CTBP2: variants seen among roughly 807,000 people sequenced by gnomAD.
The protein encoded by CTBP2 is C-terminal binding protein 2.
A neutral mutation model predicts 80.3 loss-of-function variants in CTBP2; 30 were observed. That is an observed-to-expected ratio of 0.37 (90% CI 0.28 to 0.51). The LOEUF (loss-of-function observed/expected upper bound fraction) is 0.51, where lower values mean the gene tolerates loss of function less well. CTBP2 is among the 20% of genes least tolerant of loss of function. The pLI is 0.93. For synonymous variants in CTBP2, 594 were observed against 587.4 expected (o/e 1.01, Z -0.16); for missense variants, 1,212 against 1,375.3 (o/e 0.88, Z 1.88).
chr10:125,159,306 G>A (rs1861512544), intron 1 of CTBP2, among the ~76,000 whole-genome samples: 3 of 149,530 alleles, frequency 2.0e-5, no homozygotes. Flanking sequence ...CGGCCCGGGC[G>A]GGGAAGGTGG....
intron 1 of CTBP2, chr10:125,005,439 A>C: frequency 9.1e-7 from 1 of 1,101,938 alleles, no homozygotes; most frequent in Non-Finnish European, 1.3e-6. Flanking sequence ...GTCCCCAAAC[A>C]GGGTGTCCGC....
chr10:125,036,920 A>T (rs376555754), intron 3 of CTBP2, among the ~76,000 whole-genome samples: 29 of 152,296 alleles, frequency 1.9e-4, no homozygotes, highest in South Asian at 1.9e-3. Context: ...GGACTAAGTC[A>T]GCTTATACAT....
rs766173566 is a variant in CTBP2 at position 125,122,565 on chromosome 10, A to G, written c.-205-11472T>C. ...CTGAGAGCATGAGCGCCAAGAAAGA[A>G]AACCGAGACTCAAAAGCCCAAGGGC... On this transcript the variant is annotated intron_variant, in intron 1 of 10. Transcript: ENST00000337195. The G allele has an allele frequency of 2.6e-5, 4 of 152,274 alleles. No homozygotes were observed. In the East Asian group the frequency reaches 7.7e-4, roughly 29 times the overall value. 9.4% of individuals were successfully genotyped at this position (152,274 alleles called of 1,614,324 possible).
At chr10:125,074,401 C>A (rs1289603524) in intron 2 of CTBP2, among the ~76,000 whole-genome samples, 1 of 152,220 alleles carries the variant, frequency 6.6e-6, no homozygotes, top group Non-Finnish European at 1.5e-5. Context: ...TTCACCCAGG[C>A]TGGAGTGCAG....
intron 2 of CTBP2, among the ~76,000 whole-genome samples, chr10:125,064,623 T>C (rs569354377): frequency 3.3e-5 from 5 of 152,380 alleles, no homozygotes; most frequent in South Asian, 4.1e-4. Context: ...GAATCTGTTT[T>C]AGAATCATGT....
intron 1 of CTBP2, among the ~76,000 whole-genome samples, chr10:125,146,282 ATTT>A (rs34558482): frequency 2.9e-5 from 4 of 136,448 alleles, no homozygotes; most frequent in African/African-American, 5.6e-5. Context: ...CCTAAGTGAG[ATTT>A]TTTTTTTTTT....
intron 8 of CTBP2, among the ~76,000 whole-genome samples, chr10:124,990,921 C>G (rs763953829): frequency 6.6e-6 from 1 of 152,208 alleles, no homozygotes; most frequent in African/African-American, 2.4e-5. Context: ...TCCAGAACTG[C>G]GAGCAAGGCA....
chr10:125,013,724 G>A (rs1956174506), intron 1 of CTBP2, among the ~76,000 whole-genome samples: 1 of 152,192 alleles, frequency 6.6e-6, no homozygotes, highest in Non-Finnish European at 1.5e-5. Flanking sequence ...CAGCAAGTAA[G>A]TGATGGAGTC....
Position 124,994,624 on chromosome 10 carries a change from A to G in CTBP2, c.2245T>C (p.Tyr749His). 3.1e-6 allele frequency: 5 copies of G among 1,614,166 alleles called. No homozygotes were observed. The highest frequency in any genetic ancestry group is 4.2e-6 in the Non-Finnish European group (5 of 1,179,998). Residue 749 changes from tyrosine to histidine, a missense_variant, in exon 5 of 9, where the codon TAT (tyrosine) becomes CAT (histidine). By Grantham distance (83) the Tyr-to-His change is moderately conservative (BLOSUM62 2). Coordinates refer to ENST00000309035, the MANE Select transcript of CTBP2 (RefSeq NM_022802.3). ...ATCCCATCCTGCAAGTAGGGGTCAT[A>G]AAATATGACGCTGAATCCAAAGGCC...
intron 1 of CTBP2, chr10:125,005,429 G>C: frequency 2.0e-6 from 2 of 995,848 alleles, no homozygotes; most frequent in African/African-American, 1.6e-5. Flanking sequence ...CGACACCCAG[G>C]TCCCCAAACA....
At chr10:125,002,765 C>T (rs1171557874) in intron 3 of CTBP2, among the ~76,000 whole-genome samples, 195 bp downstream of exon 5, 1 of 152,328 alleles carries the variant, frequency 6.6e-6, no homozygotes, top group East Asian at 1.9e-4. Flanking sequence ...CAAGGGCCAG[C>T]AGGGACTATC....
At chr10:124,991,561 T>C (rs1952620033) in intron 8 of CTBP2, among the ~76,000 whole-genome samples, 1 of 152,156 alleles carries the variant, frequency 6.6e-6, no homozygotes, top group Non-Finnish European at 1.5e-5. Context: ...GAGCCTTCAT[T>C]ACACAAACTG....
intron 1 of CTBP2, among the ~76,000 whole-genome samples, chr10:125,008,819 C>T (rs548911771): frequency 6.6e-6 from 1 of 152,336 alleles, no homozygotes; most frequent in South Asian, 2.1e-4. Flanking sequence ...AATCAATGTA[C>T]GTTATGTTCT....
chr10:125,115,991 C>T (rs1308811976), intron 1 of CTBP2, among the ~76,000 whole-genome samples: 1 of 152,170 alleles, frequency 6.6e-6, no homozygotes, highest in African/African-American at 2.4e-5. Context: ...GGACTAGATG[C>T]AACATCAACT....
intron 2 of CTBP2, among the ~76,000 whole-genome samples, chr10:125,108,349 C>T (rs943691925): frequency 2.6e-5 from 4 of 152,186 alleles, no homozygotes; most frequent in Admixed American, 6.5e-5. Flanking sequence ...AGGGCAAAAA[C>T]GATGTATAAA....
chr10:125,035,572 T>A (rs1262039797), intron 3 of CTBP2, among the ~76,000 whole-genome samples: 1 of 152,240 alleles, frequency 6.6e-6, no homozygotes, highest in Non-Finnish European at 1.5e-5. Context: ...TCTATCATAA[T>A]CCACAAGAAG....
At chr10:125,087,512 C>T (rs535565622) in intron 2 of CTBP2, among the ~76,000 whole-genome samples, 70 of 152,306 alleles carry the variant, frequency 4.6e-4, no homozygotes, top group South Asian at 1.9e-3. Context: ...CCCCCAGTCC[C>T]CCTGAAGGGC....
chr10:125,061,040 C>T lies in CTBP2; in HGVS notation c.-101-21885G>A, dbSNP rs143535508. On this transcript the variant is annotated intron_variant, in intron 2 of 10. Coordinates refer to the CTBP2 transcript ENST00000337195. ...TCCCGGCTCCCGGCAACCCTCAATG[C>T]TGAACTCTCCCAGGATTCCTGCGGT... is the stretch of plus-strand genomic sequence containing the variant. Among the ~76,000 whole-genome samples the T allele has an allele frequency of 8.1e-3, 1,235 of 152,324 alleles. 11 individuals carry two copies. Among genetic ancestry groups the T allele is most frequent in the Non-Finnish European group, 0.014 (945 of 68,018 alleles).
intron 2 of CTBP2, among the ~76,000 whole-genome samples, chr10:125,096,328 A>G (rs1344007545): frequency 6.6e-6 from 1 of 152,192 alleles, no homozygotes; most frequent in East Asian, 1.9e-4. Context: ...CCCCATGGGG[A>G]AAAAATGTCT....
Sources: gnomAD v4.1 joint callset for allele counts (sites outside exome capture counted in the v4.1 genomes callset) on GRCh38, gnomAD v4.1.1 for gene constraint, MANE v1.5 for transcripts, NCBI Gene and HGNC (gene_info 2026-07-23, HGNC 2026-07-21) for gene names.